GRXCR1: variants seen among roughly 807,000 people sequenced by gnomAD.
The protein encoded by GRXCR1 is glutaredoxin and cysteine rich domain containing 1.
Under a neutral mutation model 27.3 loss-of-function variants are expected in GRXCR1, and 27 were observed. The ratio of observed to expected loss-of-function variants is 0.99; its 90% CI spans 0.73 to 1.37. GRXCR1 has a LOEUF of 1.37. Ranked by LOEUF, GRXCR1 falls within the 40% of genes most tolerant of loss-of-function variation. GRXCR1 has a pLI of 0.00. For synonymous variants in GRXCR1, 122 were observed against 131.1 expected, an observed-to-expected ratio of 0.93 and a Z score of 0.47; for missense variants, 379 against 354.4, an observed-to-expected ratio of 1.07 and a Z score of -0.56.
intron 2 of GRXCR1, among the ~76,000 whole-genome samples, chr4:42,977,966 A>G (rs1577928835): frequency 6.6e-6 from 1 of 152,012 alleles, no homozygotes; most frequent in South Asian, 2.1e-4. Context: ...ATCCATTTTC[A>G]GTTGATTTTT....
intron 3 of GRXCR1, among the ~76,000 whole-genome samples, chr4:43,022,306 G>C (rs916105198): frequency 1.3e-5 from 2 of 151,950 alleles, no homozygotes; most frequent in Non-Finnish European, 2.9e-5. Flanking sequence ...GCTTTTCTTT[G>C]TACAGATTGA....
At chr4:43,025,018 A>G (rs140934955) in intron 3 of GRXCR1, among the ~76,000 whole-genome samples, 2 of 152,294 alleles carry the variant, frequency 1.3e-5, no homozygotes, top group Non-Finnish European at 2.9e-5. Context: ...GTTAAAAATA[A>G]TAAGAGCTTC....
chr4:43,019,017 G>T (rs565023411), intron 2 of GRXCR1, among the ~76,000 whole-genome samples: 1 of 152,214 alleles, frequency 6.6e-6, no homozygotes, highest in South Asian at 2.1e-4. Flanking sequence ...TGGTGATTAT[G>T]ATGACATAGG....
intron 1 of GRXCR1, among the ~76,000 whole-genome samples, chr4:42,946,912 C>A (rs968333230): frequency 2.0e-5 from 3 of 152,160 alleles, no homozygotes; most frequent in African/African-American, 7.2e-5. Context: ...ATAACATACA[C>A]TTTTTGATCT....
intron 1 of GRXCR1, among the ~76,000 whole-genome samples, chr4:42,925,793 T>C (rs924235790): frequency 5.9e-5 from 9 of 151,848 alleles, no homozygotes; most frequent in African/African-American, 2.2e-4. Flanking sequence ...GAAACACAGG[T>C]AGTCTTGAAA....
intron 3 of GRXCR1, among the ~76,000 whole-genome samples, chr4:43,023,625 T>C (rs975788618): frequency 8.5e-5 from 13 of 152,174 alleles, no homozygotes; most frequent in Non-Finnish European, 1.0e-4. Context: ...GAAATGACAG[T>C]TTGCAGGTAA....
At chr4:42,956,725 G>A (rs542346636) in intron 1 of GRXCR1, among the ~76,000 whole-genome samples, 2 of 152,116 alleles carry the variant, frequency 1.3e-5, no homozygotes, top group Non-Finnish European at 1.5e-5. Context: ...GGCTCAAAAC[G>A]TGGACTACAC....
intron 2 of GRXCR1, among the ~76,000 whole-genome samples, chr4:42,971,109 C>A (rs1024622660): frequency 2.0e-5 from 3 of 152,110 alleles, no homozygotes; most frequent in African/African-American, 4.8e-5. Flanking sequence ...ATAGAGTGAC[C>A]TTTACTCCAG....
At chr4:42,968,114 T>G (rs1160564172) in intron 2 of GRXCR1, among the ~76,000 whole-genome samples, 1 of 152,108 alleles carries the variant, frequency 6.6e-6, no homozygotes, top group Non-Finnish European at 1.5e-5. Context: ...TCTCTAAAAC[T>G]CTATCCTGTT....
At chr4:42,931,207 CT>C (rs1309797332) in intron 1 of GRXCR1, among the ~76,000 whole-genome samples, 2 of 151,876 alleles carry the variant, frequency 1.3e-5, no homozygotes, top group African/African-American at 2.4e-5. Flanking sequence ...GTTTTCTGTC[CT>C]GGTTACAGGC....
At chr4:42,968,725 A>C (rs932661232) in intron 2 of GRXCR1, among the ~76,000 whole-genome samples, 1 of 152,112 alleles carries the variant, frequency 6.6e-6, no homozygotes, top group Admixed American at 6.6e-5. Context: ...AAAAAAGAAA[A>C]GCAAAAAAGT....
chr4:42,999,781 AG>A (rs1026429919), intron 2 of GRXCR1, among the ~76,000 whole-genome samples: 10 of 152,256 alleles, frequency 6.6e-5, no homozygotes, highest in Non-Finnish European at 1.5e-4. Context: ...GTATCTAAAA[AG>A]TAGACAACTT....
chr4:42,931,280 T>C (rs866729804), intron 1 of GRXCR1, among the ~76,000 whole-genome samples: 2 of 152,016 alleles, frequency 1.3e-5, no homozygotes, highest in African/African-American at 4.8e-5. Context: ...AATCAAAGTT[T>C]TGAATTTCAC....
At chr4:42,950,309 G>A (rs1747852808) in intron 1 of GRXCR1, among the ~76,000 whole-genome samples, 1 of 152,062 alleles carries the variant, frequency 6.6e-6, no homozygotes, top group Admixed American at 6.6e-5. Flanking sequence ...TAACAAATAA[G>A]AGGAAAAATA....
chr4:42,910,741 T>C (rs1746705133), intron 1 of GRXCR1, among the ~76,000 whole-genome samples: 1 of 152,176 alleles, frequency 6.6e-6, no homozygotes, highest in Non-Finnish European at 1.5e-5. Context: ...TCCAGTCTTA[T>C]CGCTGGACAC....
At chr4:42,953,991 G>A (rs1396353705) in intron 1 of GRXCR1, among the ~76,000 whole-genome samples, 1 of 152,024 alleles carries the variant, frequency 6.6e-6, no homozygotes, top group Non-Finnish European at 1.5e-5. Context: ...CGGTTACTAA[G>A]GGGGAAATTA....
In GRXCR1 at chr4:42,903,541, A is replaced by T. The variant is rs143313304; in HGVS notation, c.384+9891A>T. On this transcript the variant is annotated intron_variant, in intron 1 of 3. Transcript: ENST00000399770. The stretch of plus-strand genomic sequence containing the variant: ...GTTAGCCAGGATGGTCTCTATCTCC[A>T]GACCTTGTGATCCGCCCGCCTTGGC... 8.4e-3 allele frequency among the ~76,000 whole-genome samples: 1,234 copies of T among 147,106 alleles called. 59 individuals are homozygous for T. Among genetic ancestry groups the T allele is most frequent in the African/African-American group, 0.029 (1,185 of 40,476 alleles).
intron 1 of GRXCR1, among the ~76,000 whole-genome samples, chr4:42,947,616 T>C (rs559361238): frequency 6.6e-6 from 1 of 152,290 alleles, no homozygotes; most frequent in South Asian, 2.1e-4. Context: ...TTTCATTAGA[T>C]TGCCTTTCCT....
intron 2 of GRXCR1, among the ~76,000 whole-genome samples, chr4:42,967,615 T>A (rs1423233335): frequency 1.3e-5 from 2 of 152,130 alleles, no homozygotes; most frequent in African/African-American, 2.4e-5. Context: ...TCATTTTTAG[T>A]CATGTTTTTC....
Sources: allele counts gnomAD v4.1 joint callset (sites outside exome capture counted in the v4.1 genomes callset), GRCh38; gene constraint gnomAD v4.1.1; transcripts MANE v1.5; gene names NCBI Gene and HGNC (gene_info 2026-07-23, HGNC 2026-07-21).